LOC122539214: variants seen among roughly 807,000 people sequenced by gnomAD.
At chr19:52,651,683 C>CAAAAAAAA in the LOC122539214 span, 2 of 117,282 alleles carry the variant, frequency 1.7e-5, no homozygotes, top group African/African-American at 3.2e-5. Flanking sequence ...GACTCTGTCT[C>CAAAAAAAA]AAAAAAAAAA....
the LOC122539214 span, among the ~76,000 whole-genome samples, chr19:52,687,537 A>AGC: frequency 1.1e-5 from 1 of 89,358 alleles, no homozygotes; most frequent in African/African-American, 4.3e-5. Flanking sequence ...TATAAATTAT[A>AGC]TATATAAATT....
the LOC122539214 span, among the ~76,000 whole-genome samples, chr19:52,676,997 C>G: frequency 2.1e-5 from 3 of 145,562 alleles, no homozygotes; most frequent in African/African-American, 5.2e-5. Context: ...TGCGGAAGGC[C>G]GCAGGGTCCT....
chr19:52,661,960 AG>A, the LOC122539214 span, among the ~76,000 whole-genome samples: 1 of 152,178 alleles, frequency 6.6e-6, no homozygotes, highest in Non-Finnish European at 1.5e-5. Flanking sequence ...CTGAGACAGG[AG>A]CAACCTCAGC....
the LOC122539214 span, among the ~76,000 whole-genome samples, chr19:52,669,961 G>T: frequency 1.3e-5 from 2 of 152,214 alleles, no homozygotes; most frequent in Non-Finnish European, 2.9e-5. Flanking sequence ...TAAGGAAAAT[G>T]CAAGAGAAGG....
At chr19:52,683,865 G>T in the LOC122539214 span, among the ~76,000 whole-genome samples, 1 of 152,162 alleles carries the variant, frequency 6.6e-6, no homozygotes, top group African/African-American at 2.4e-5. Context: ...AGGTGCTGCT[G>T]TTGTCCTGTG....
At chr19:52,686,528 C>T in the LOC122539214 span, among the ~76,000 whole-genome samples, 8 of 150,212 alleles carry the variant, frequency 5.3e-5, no homozygotes, top group Non-Finnish European at 8.9e-5. Context: ...ATCTATTACA[C>T]AACAAGAACA....
At chr19:52,662,910 C>G in the LOC122539214 span, among the ~76,000 whole-genome samples, 1 of 152,090 alleles carries the variant, frequency 6.6e-6, no homozygotes, top group Non-Finnish European at 1.5e-5. Context: ...TGCCTGTAAT[C>G]CCAGCACTTT....
At chr19:52,683,228 CTGTG>C in the LOC122539214 span, among the ~76,000 whole-genome samples, 2,997 of 127,822 alleles carry the variant, frequency 0.023, 68 homozygotes, top group African/African-American at 0.056. Context: ...CCCTGTGACT[CTGTG>C]TGTGTGTGTG....
At chr19:52,689,943 G>T in the LOC122539214 span, among the ~76,000 whole-genome samples, 2 of 152,188 alleles carry the variant, frequency 1.3e-5, no homozygotes, top group Non-Finnish European at 2.9e-5. Context: ...GAGAGACCTG[G>T]GGAGCAGCAG....
the LOC122539214 span, among the ~76,000 whole-genome samples, chr19:52,653,442 T>G: frequency 6.6e-6 from 1 of 152,214 alleles, no homozygotes; most frequent in South Asian, 2.1e-4. Flanking sequence ...GTGAAAGGCA[T>G]GAATTATGCC....
At chr19:52,676,473 C>G in the LOC122539214 span, among the ~76,000 whole-genome samples, 7 of 151,928 alleles carry the variant, frequency 4.6e-5, no homozygotes, top group Non-Finnish European at 1.0e-4. Context: ...TGCCCCGGCC[C>G]GGCTAGCCTC....
chr19:52,682,964 G>A, the LOC122539214 span, among the ~76,000 whole-genome samples: 2 of 152,098 alleles, frequency 1.3e-5, no homozygotes, highest in Non-Finnish European at 2.9e-5. Context: ...TCCACCTTCC[G>A]GGTTCAAGTG....
chr19:52,680,681 C>G, the LOC122539214 span, among the ~76,000 whole-genome samples: 6 of 133,028 alleles, frequency 4.5e-5, no homozygotes, highest in South Asian at 9.5e-4. Flanking sequence ...GGCGCGATCT[C>G]GGCTCACTGC....
At chr19:52,683,033 G>C in the LOC122539214 span, among the ~76,000 whole-genome samples, 3 of 151,606 alleles carry the variant, frequency 2.0e-5, no homozygotes, top group Admixed American at 6.6e-5. Context: ...ACCACACCCA[G>C]CTAATTTTTG....
the LOC122539214 span, among the ~76,000 whole-genome samples, chr19:52,688,877 A>G: frequency 6.6e-6 from 1 of 151,738 alleles, no homozygotes; most frequent in South Asian, 2.1e-4. Flanking sequence ...CGGTTACAGG[A>G]TAACGCTGTC....
chr19:52,671,114 T>C, the LOC122539214 span, among the ~76,000 whole-genome samples: 1 of 152,202 alleles, frequency 6.6e-6, no homozygotes, highest in African/African-American at 2.4e-5. Context: ...AACGATACCT[T>C]TGAAGGACCA....
chr19:52,689,762 C>G, the LOC122539214 span, among the ~76,000 whole-genome samples: 1 of 151,772 alleles, frequency 6.6e-6, no homozygotes, highest in Non-Finnish European at 1.5e-5. Flanking sequence ...CTGTCCGTCT[C>G]CTGATCCCTT....
At chr19:52,667,867 T>C in the LOC122539214 span, among the ~76,000 whole-genome samples, 3 of 152,194 alleles carry the variant, frequency 2.0e-5, no homozygotes, top group Admixed American at 2.0e-4. Context: ...AATAAAACAC[T>C]AATATAAAGG....
the LOC122539214 span, among the ~76,000 whole-genome samples, chr19:52,671,180 TTGCCATA>T: frequency 3.9e-5 from 6 of 152,122 alleles, no homozygotes; most frequent in Non-Finnish European, 5.9e-5. Flanking sequence ...ACTTTCTTCT[TTGCCATA>T]TGTTTTGTGG....
Sources: allele counts gnomAD v4.1 joint callset (sites outside exome capture counted in the v4.1 genomes callset), GRCh38; gene constraint gnomAD v4.1.1; transcripts MANE v1.5.